The following GLIS3 variants were observed in gnomAD, a reference collection of about 807,000 sequenced individuals.
GLIS3 encodes the protein GLIS family zinc finger 3.
In GLIS3, 53 loss-of-function variants were observed where a neutral mutation model predicts 78.6. That is an observed-to-expected ratio of 0.67 (90% CI 0.54 to 0.85). The LOEUF is 0.85. GLIS3 is among the 40% of genes least tolerant of loss of function. The pLI, the probability that GLIS3 is intolerant of heterozygous loss-of-function variation, is 0.00. For missense variants in GLIS3, 1,703 were observed against 1,231.1 expected (o/e 1.38, Z -5.74); for synonymous variants, 684 against 509.9 (o/e 1.34, Z -4.60).
At chr9:3,926,349 G>A (rs931046117) in intron 6 of GLIS3, among the ~76,000 whole-genome samples, 14 of 150,424 alleles carry the variant, frequency 9.3e-5, no homozygotes, top group African/African-American at 3.2e-4. Context: ...TCCTGCCTCA[G>A]CCTCCAGAGT....
intron 2 of GLIS3, among the ~76,000 whole-genome samples, chr9:4,339,156 T>C (rs1817798275): frequency 6.6e-6 from 1 of 152,202 alleles, no homozygotes; most frequent in South Asian, 2.1e-4. Context: ...GCTTGGCTTA[T>C]ATATTTGGTG....
chr9:4,366,522 C>G, the GLIS3 span, among the ~76,000 whole-genome samples: 1 of 152,186 alleles, frequency 6.6e-6, no homozygotes, highest in East Asian at 1.9e-4. Context: ...CTGTTTCTTT[C>G]CTGTATTCAG....
intron 2 of GLIS3, among the ~76,000 whole-genome samples, chr9:4,196,589 G>A (rs1218473322): frequency 6.6e-6 from 1 of 152,004 alleles, no homozygotes; most frequent in Admixed American, 6.6e-5. Context: ...GCTGCCTTAA[G>A]AGCTGTAACA....
chr9:4,458,977 C>A, the GLIS3 span, among the ~76,000 whole-genome samples: 1 of 152,044 alleles, frequency 6.6e-6, no homozygotes, highest in Non-Finnish European at 1.5e-5. Flanking sequence ...GTAGCGATGG[C>A]CTTACCACAT....
chr9:4,337,549 C>A (rs1393414722), intron 2 of GLIS3, among the ~76,000 whole-genome samples: 1 of 151,988 alleles, frequency 6.6e-6, no homozygotes, highest in Non-Finnish European at 1.5e-5. Context: ...CCTTTATAAT[C>A]AAAAAAATAT....
chr9:4,267,658 C>T (rs1333054621), intron 2 of GLIS3, among the ~76,000 whole-genome samples: 1 of 152,136 alleles, frequency 6.6e-6, no homozygotes, highest in Non-Finnish European at 1.5e-5. Context: ...CTCACTAGCT[C>T]CCAGTTCCTA....
At chr9:3,987,761 C>CAAAAAAAA (rs60986898) in intron 4 of GLIS3, among the ~76,000 whole-genome samples, 7 of 10,466 alleles carry the variant, frequency 6.7e-4, no homozygotes, top group Non-Finnish European at 1.0e-3. Context: ...CTGGATTTGG[C>CAAAAAAAA]AAAAAAAAAA....
At chr9:4,382,786 C>T in the GLIS3 span, among the ~76,000 whole-genome samples, 275 of 152,284 alleles carry the variant, frequency 1.8e-3, 2 homozygotes, top group African/African-American at 6.3e-3. Flanking sequence ...TTCCATTTCT[C>T]ATGTAGCTTT....
chr9:4,042,044 C>T (rs1563978283), intron 4 of GLIS3, among the ~76,000 whole-genome samples: 2 of 152,206 alleles, frequency 1.3e-5, no homozygotes, highest in Non-Finnish European at 2.9e-5. Context: ...AAGAGAGCAA[C>T]TCTCAAGCTA....
chr9:4,454,170 A>T, the GLIS3 span, among the ~76,000 whole-genome samples: 46 of 142,138 alleles, frequency 3.2e-4, no homozygotes, highest in Non-Finnish European at 6.0e-4. Flanking sequence ...AAAAAAAAAA[A>T]GAAGAAAGAA....
intron 2 of GLIS3, among the ~76,000 whole-genome samples, chr9:4,244,212 T>G (rs1159674780): frequency 6.6e-6 from 1 of 152,310 alleles, no homozygotes; most frequent in East Asian, 1.9e-4. Context: ...CTCAATCAAC[T>G]CACCAGAATA....
chr9:4,067,861 C>CAAT (rs1430580610), intron 4 of GLIS3, among the ~76,000 whole-genome samples: 1 of 151,034 alleles, frequency 6.6e-6, no homozygotes, highest in Non-Finnish European at 1.5e-5. Flanking sequence ...TTCTCCATAA[C>CAAT]AATAATAGTT....
intron 9 of GLIS3, among the ~76,000 whole-genome samples, chr9:3,837,073 C>A (rs557658932): frequency 6.6e-6 from 1 of 152,268 alleles, no homozygotes; most frequent in Middle Eastern, 3.4e-3. Context: ...GATATTGTTG[C>A]TCAATCCACT....
the GLIS3 span, among the ~76,000 whole-genome samples, chr9:4,431,555 C>T: frequency 1.8e-4 from 28 of 152,164 alleles, 1 homozygote; most frequent in South Asian, 5.8e-3. Flanking sequence ...CTGTAAAAGG[C>T]CATATAGGGC....
intron 4 of GLIS3, among the ~76,000 whole-genome samples, chr9:3,984,094 A>C (rs578138691): frequency 4.4e-4 from 67 of 152,174 alleles, no homozygotes; most frequent in Non-Finnish European, 7.5e-4. Flanking sequence ...TGTGCAGCCT[A>C]GGGACTGCTA....
intron 2 of GLIS3, among the ~76,000 whole-genome samples, chr9:4,336,138 A>T (rs1403417244): frequency 1.3e-5 from 2 of 152,194 alleles, no homozygotes; most frequent in African/African-American, 4.8e-5. Flanking sequence ...TAGCAGTAGA[A>T]AGCAATAGTT....
intron 2 of GLIS3, among the ~76,000 whole-genome samples, chr9:4,323,931 G>A (rs1817570093): frequency 6.6e-6 from 1 of 152,168 alleles, no homozygotes; most frequent in Admixed American, 6.5e-5. Flanking sequence ...TTCTCTGCAT[G>A]ACTTTGTTAT....
intron 4 of GLIS3, among the ~76,000 whole-genome samples, chr9:3,989,718 G>A (rs1820067402): frequency 6.6e-6 from 1 of 152,174 alleles, no homozygotes; most frequent in Admixed American, 6.6e-5. Context: ...TGCCAGGAAG[G>A]TTAGGGATGG....
chr9:4,248,329 A>G (rs989393174), intron 2 of GLIS3, among the ~76,000 whole-genome samples: 39 of 152,038 alleles, frequency 2.6e-4, no homozygotes, highest in Admixed American at 2.0e-4. Flanking sequence ...AGGAGTGACA[A>G]CATGTGGTAT....
Sources: gnomAD v4.1 joint callset for allele counts (sites outside exome capture counted in the v4.1 genomes callset) on GRCh38, gnomAD v4.1.1 for gene constraint, MANE v1.5 for transcripts, NCBI Gene and HGNC (gene_info 2026-07-23, HGNC 2026-07-21) for gene names.